DCAF5: variants seen among roughly 807,000 people sequenced by gnomAD.
DCAF5 encodes DDB1 and CUL4 associated factor 5.
DCAF5 carries 9 observed loss-of-function variants against 80.7 expected under a neutral mutation model. The observed-to-expected ratio is 0.11, with a 90% CI of 0.07 to 0.19. The LOEUF (loss-of-function observed/expected upper bound fraction) is 0.19, where lower values mean the gene tolerates loss of function less well. Ranked by LOEUF, DCAF5 falls within the 10% of genes least tolerant of loss-of-function variation. The probability of loss-of-function intolerance (pLI) is 1.00; values close to 1 mark genes in which losing one functional copy is unlikely to be tolerated. For synonymous variants in DCAF5, 433 were observed against 461.9 expected (o/e 0.94, Z 0.80); for missense variants, 842 against 1,205.7 (o/e 0.70, Z 4.47).
At chr14:69,128,850 G>A (rs2040954267) in intron 1 of DCAF5, among the ~76,000 whole-genome samples, 1 of 152,036 alleles carries the variant, frequency 6.6e-6, no homozygotes, top group Non-Finnish European at 1.5e-5. Context: ...AGGTCGAGGT[G>A]GGAGGATCCG....
chr14:69,151,707 C>T (rs928682718), intron 1 of DCAF5, among the ~76,000 whole-genome samples: 13 of 152,084 alleles, frequency 8.5e-5, no homozygotes, highest in African/African-American at 3.1e-4. Context: ...GGGACGACGG[C>T]GGCGAGCGCC....
chr14:69,133,157 G>C (rs189917737), intron 1 of DCAF5, among the ~76,000 whole-genome samples: 1 of 152,272 alleles, frequency 6.6e-6, no homozygotes, highest in Non-Finnish European at 1.5e-5. Context: ...CCACGAAGTA[G>C]GAATTCACAT....
chr14:69,138,536 G>A (rs554735805), intron 1 of DCAF5, among the ~76,000 whole-genome samples: 37 of 152,322 alleles, frequency 2.4e-4, no homozygotes, highest in Non-Finnish European at 3.2e-4. Flanking sequence ...CCACTTAGGA[G>A]TTTAACACTT....
At chr14:69,091,352 A>C (rs1594979497) in intron 6 of DCAF5, among the ~76,000 whole-genome samples, 1 of 152,138 alleles carries the variant, frequency 6.6e-6, no homozygotes. Context: ...CCAGCAGGCT[A>C]ATTTTCCATG....
chr14:69,124,168 G>A (rs897476563), intron 1 of DCAF5, among the ~76,000 whole-genome samples: 9 of 152,086 alleles, frequency 5.9e-5, no homozygotes, highest in African/African-American at 1.7e-4. Context: ...GCTTTCTAAG[G>A]CTGAATAGTA....
chr14:69,073,005 T>C (rs2038757354), intron 7 of DCAF5, among the ~76,000 whole-genome samples: 1 of 152,222 alleles, frequency 6.6e-6, no homozygotes, highest in Non-Finnish European at 1.5e-5. Context: ...AAAGCTTATG[T>C]GACACTGGGT....
intron 1 of DCAF5, among the ~76,000 whole-genome samples, chr14:69,123,090 T>C (rs1280469585): frequency 6.6e-6 from 1 of 152,176 alleles, no homozygotes; most frequent in African/African-American, 2.4e-5. Flanking sequence ...CCTTACTCCA[T>C]TCAATGAAAA....
intron 6 of DCAF5, chr14:69,084,326 C>A (rs1412628874): frequency 1.1e-6 from 1 of 947,878 alleles, no homozygotes; most frequent in Non-Finnish European, 1.7e-6. Context: ...GGACCATATG[C>A]AGAATATCCC....
intron 5 of DCAF5, among the ~76,000 whole-genome samples, chr14:69,098,313 T>C (rs1383870817): frequency 6.6e-6 from 1 of 152,210 alleles, no homozygotes; most frequent in Non-Finnish European, 1.5e-5. Context: ...AATATCCTCC[T>C]CAATTAGGCC....
intron 1 of DCAF5, among the ~76,000 whole-genome samples, chr14:69,140,834 A>G (rs1274304614): frequency 6.6e-6 from 1 of 152,068 alleles, no homozygotes; most frequent in African/African-American, 2.4e-5. Flanking sequence ...GTGGCAGCGG[A>G]GGCCAGGAGC....
intron 5 of DCAF5, among the ~76,000 whole-genome samples, chr14:69,101,654 G>C (rs1566755049): frequency 6.6e-6 from 1 of 152,180 alleles, no homozygotes. Context: ...GAAATGTGTT[G>C]TTAGGCAATT....
intron 1 of DCAF5, among the ~76,000 whole-genome samples, chr14:69,132,169 TG>T (rs1272463139): frequency 1.3e-5 from 2 of 152,182 alleles, no homozygotes; most frequent in Non-Finnish European, 2.9e-5. Context: ...GAAGTGAAAT[TG>T]CTGGATCCAT....
At chr14:69,132,266 A>G (rs2041065484) in intron 1 of DCAF5, among the ~76,000 whole-genome samples, 1 of 152,198 alleles carries the variant, frequency 6.6e-6, no homozygotes, top group Non-Finnish European at 1.5e-5. Flanking sequence ...CCAACAACGT[A>G]CAAGAGTTCC....
intron 5 of DCAF5, among the ~76,000 whole-genome samples, chr14:69,103,435 T>A (rs2040032413): frequency 6.6e-6 from 1 of 152,204 alleles, no homozygotes; most frequent in African/African-American, 2.4e-5. Flanking sequence ...TTCTTTTTCT[T>A]TTGAAATAAT....
At chr14:69,066,291 C>G (rs746185263) in intron 7 of DCAF5, among the ~76,000 whole-genome samples, 8 of 152,062 alleles carry the variant, frequency 5.3e-5, no homozygotes, top group Non-Finnish European at 1.2e-4. Context: ...CACACCACCA[C>G]GCCCAGCTAA....
At position 69,085,261 on chromosome 14, in the gene DCAF5, G is replaced by A. The variant is rs1338877323; in HGVS notation, c.879+6413C>T. The A allele has an allele frequency of 1.5e-5, 11 of 713,750 alleles. No individual in the cohort carries two copies. The East Asian group carries it at 2.7e-4, about 17-fold the overall frequency. 44.2% of individuals were successfully genotyped at this position (713,750 alleles called of 1,614,324 possible). On this transcript the variant is annotated intron_variant, in intron 6 of 8. Coordinates refer to ENST00000341516, the MANE Select transcript of DCAF5 (RefSeq NM_003861.3). ...TGTTGATCTGAACGTCAACAGCAAT[G>A]AAGGCAAGCAGAAAAAGCGAGTAGG... is the stretch of plus-strand genomic sequence containing the variant.
chr14:69,065,521 T>C (rs1204530973), intron 7 of DCAF5, among the ~76,000 whole-genome samples: 3 of 152,042 alleles, frequency 2.0e-5, no homozygotes, highest in East Asian at 3.9e-4. Flanking sequence ...ATGGTGAAAA[T>C]AGGTACAGGC....
At chr14:69,108,803 C>T (rs1001769230) in intron 5 of DCAF5, among the ~76,000 whole-genome samples, 3 of 152,062 alleles carry the variant, frequency 2.0e-5, no homozygotes, top group African/African-American at 4.8e-5. Context: ...GGCATGCCCC[C>T]GACTAAAGCT....
At chr14:69,144,500 A>G (rs1481614453) in intron 1 of DCAF5, among the ~76,000 whole-genome samples, 1 of 151,950 alleles carries the variant, frequency 6.6e-6, no homozygotes, top group Non-Finnish European at 1.5e-5. Flanking sequence ...TGAACCTGGG[A>G]GGTGGAGCTT....
Sources: gnomAD v4.1 joint callset for allele counts (sites outside exome capture counted in the v4.1 genomes callset) on GRCh38, gnomAD v4.1.1 for gene constraint, MANE v1.5 for transcripts, NCBI Gene and HGNC (gene_info 2026-07-23, HGNC 2026-07-21) for gene names.